The following SPHKAP variants were observed in gnomAD, a reference collection of about 807,000 sequenced individuals.
The protein encoded by SPHKAP is A-kinase anchor protein SPHKAP.
SPHKAP carries 67 observed loss-of-function variants against 137.5 expected under a neutral mutation model. The observed-to-expected ratio is 0.49, with a 90% CI of 0.40 to 0.60. The LOEUF (loss-of-function observed/expected upper bound fraction) is 0.60. Among genes scored for constraint, SPHKAP ranks in the 20% least tolerant of loss-of-function variants. The probability of loss-of-function intolerance (pLI) is 0.00; values close to 1 mark genes in which losing one functional copy is unlikely to be tolerated. For synonymous variants in SPHKAP, 813 were observed against 785.3 expected (o/e 1.04, Z -0.59); for missense variants, 2,097 against 2,069.3 (o/e 1.01, Z -0.26).
At chr2:228,029,051 G>A (rs980646475) in intron 3 of SPHKAP, among the ~76,000 whole-genome samples, 1 of 152,200 alleles carries the variant, frequency 6.6e-6, no homozygotes, top group Non-Finnish European at 1.5e-5. Context: ...ACGCTGTCAA[G>A]CCACAGGGAA....
chr2:228,026,495 G>A (rs1004869698), intron 4 of SPHKAP, among the ~76,000 whole-genome samples: 1 of 152,088 alleles, frequency 6.6e-6, no homozygotes, highest in Non-Finnish European at 1.5e-5. Flanking sequence ...AACTTGCACA[G>A]TTCATATAGC....
chr2:228,009,409 A>T (rs1419841198), intron 7 of SPHKAP, among the ~76,000 whole-genome samples: 1 of 152,166 alleles, frequency 6.6e-6, no homozygotes, highest in Non-Finnish European at 1.5e-5. Context: ...AACTTTCATC[A>T]AGTCTTACAT....
At chr2:228,065,778 T>C (rs1246122445) in intron 3 of SPHKAP, among the ~76,000 whole-genome samples, 3 of 152,282 alleles carry the variant, frequency 2.0e-5, no homozygotes, top group Admixed American at 1.3e-4. Context: ...AGACAGTGCA[T>C]TGATTTGAGG....
chr2:228,156,637 GT>G (rs1230643533), intron 1 of SPHKAP, among the ~76,000 whole-genome samples: 1 of 152,172 alleles, frequency 6.6e-6, no homozygotes, highest in Non-Finnish European at 1.5e-5. Flanking sequence ...GTTTGGCTGT[GT>G]CCCCACCCAA....
At chr2:228,147,224 A>G (rs187699655) in intron 1 of SPHKAP, among the ~76,000 whole-genome samples, 1 of 152,334 alleles carries the variant, frequency 6.6e-6, no homozygotes, top group East Asian at 1.9e-4. Flanking sequence ...TCTTTAAGTA[A>G]GTTAATAAAG....
chr2:228,042,345 C>A (rs1695885226), intron 3 of SPHKAP, among the ~76,000 whole-genome samples: 1 of 152,074 alleles, frequency 6.6e-6, no homozygotes. Flanking sequence ...TTTATCAATT[C>A]TTACTATTAT....
At chr2:228,157,518 A>G (rs1700141444) in intron 1 of SPHKAP, among the ~76,000 whole-genome samples, 1 of 152,260 alleles carries the variant, frequency 6.6e-6, no homozygotes, top group South Asian at 2.1e-4. Flanking sequence ...GACCCAATTA[A>G]TAAGAATGGA....
intron 9 of SPHKAP, among the ~76,000 whole-genome samples, chr2:227,992,432 T>C (rs915601868): frequency 2.0e-5 from 3 of 152,178 alleles, no homozygotes; most frequent in African/African-American, 7.2e-5. Flanking sequence ...ATGCTGACCA[T>C]GGAGGTGATT....
intron 2 of SPHKAP, among the ~76,000 whole-genome samples, chr2:228,125,190 C>G (rs1036916391): frequency 2.6e-5 from 4 of 152,098 alleles, no homozygotes; most frequent in African/African-American, 7.2e-5. Flanking sequence ...TATGCAGAGA[C>G]TCGGTTTCAC....
rs1217918804 is a variant in SPHKAP at position 228,092,460 on chromosome 2, ATATGTGCCATATATATG to A, written c.246+16355_246+16371del. On this transcript the variant is annotated intron_variant, in intron 3 of 11. Coordinates refer to ENST00000392056, the MANE Select transcript of SPHKAP (RefSeq NM_001142644.2). ...ATATGTGCCATATATATGTATACAT[ATATGTGCCATATATATG>A]TATACATATATGTGCCATATATATG... Among the ~76,000 whole-genome samples the A allele has an allele frequency of 1.1e-3, 61 of 53,576 alleles. 6 individuals carry two copies. The highest frequency in any genetic ancestry group is 1.5e-3 in the Admixed American group (7 of 4,636). 35.1% of individuals were successfully genotyped at this position (53,576 alleles called of 152,430 possible).
chr2:228,008,727 T>C (rs6755319), intron 7 of SPHKAP, among the ~76,000 whole-genome samples: 79,523 of 151,454 alleles, frequency 0.53, 21,239 homozygotes, highest in South Asian at 0.66. Flanking sequence ...TTCTGTACTG[T>C]TTATTGAAGA....
intron 1 of SPHKAP, among the ~76,000 whole-genome samples, chr2:228,139,848 G>A (rs1699540400): frequency 6.6e-6 from 1 of 151,230 alleles, no homozygotes; most frequent in Non-Finnish European, 1.5e-5. Context: ...ATTTATACAT[G>A]AATACCACTA....
chr2:227,993,269 A>G (rs943363899), intron 9 of SPHKAP, among the ~76,000 whole-genome samples: 1 of 152,226 alleles, frequency 6.6e-6, no homozygotes, highest in South Asian at 2.1e-4. Flanking sequence ...GTTTCTAGGT[A>G]GGTAAAATGA....
At chr2:228,005,698 T>C (rs1018372171) in intron 7 of SPHKAP, among the ~76,000 whole-genome samples, 36 of 152,236 alleles carry the variant, frequency 2.4e-4, no homozygotes, top group African/African-American at 8.0e-4. Flanking sequence ...CAGTTGTTCC[T>C]TTCCATGTTT....
rs764722977 is a variant in SPHKAP, at chr2:228,017,651, C to G, written c.3203G>C (p.Arg1068Pro). Residue 1068 changes from arginine to proline, a missense_variant, in exon 7 of 12, where the codon CGG becomes CCG. Transcript: ENST00000392056. ...GCTCCACCTGTCGCCACTCAGTAAC[C>G]GATTCCGGGGATAGCCCTGCGCCTG... ...MWQAQGYPRN[R>P]LLSGDRWSRL... 6.2e-7 allele frequency: 1 copy of G among 1,613,888 alleles called. No homozygotes were observed. The highest frequency in any genetic ancestry group is 8.5e-7 in the Non-Finnish European group (1 of 1,180,032).
chr2:228,144,802 G>C (rs1461187252), intron 1 of SPHKAP, among the ~76,000 whole-genome samples: 1 of 152,142 alleles, frequency 6.6e-6, no homozygotes, highest in Non-Finnish European at 1.5e-5. Flanking sequence ...TTGATGATGA[G>C]TTGTCATGGG....
intron 3 of SPHKAP, among the ~76,000 whole-genome samples, chr2:228,070,936 T>C (rs1306665723): frequency 1.3e-5 from 2 of 152,100 alleles, no homozygotes; most frequent in Admixed American, 6.6e-5. Context: ...GTTGAACTCA[T>C]GGGGTTCTGG....
intron 3 of SPHKAP, among the ~76,000 whole-genome samples, chr2:228,079,180 C>T (rs1390065405): frequency 2.0e-5 from 3 of 152,202 alleles, no homozygotes; most frequent in African/African-American, 4.8e-5. Context: ...ATTAGATTCT[C>T]ATGAAGAGTG....
Position 228,111,183 on chromosome 2 carries a change from C to T in SPHKAP, c.139-2244G>A, listed in dbSNP as rs1433314768. The stretch of plus-strand genomic sequence containing the variant: ...ACATGCCTTTCCCTTGTATTTCAGG[C>T]ATAGAATAGAGTTTAAGAGCATCAA... On this transcript the variant is annotated intron_variant, in intron 2 of 11. Coordinates refer to ENST00000392056, the MANE Select transcript of SPHKAP (RefSeq NM_001142644.2). 4.6e-5 allele frequency among the ~76,000 whole-genome samples: 7 copies of T among 152,220 alleles called. No individual in the cohort carries two copies. In the South Asian group the frequency reaches 1.0e-3, roughly 23 times the overall value.
Sources: allele counts gnomAD v4.1 joint callset (sites outside exome capture counted in the v4.1 genomes callset), GRCh38; gene constraint gnomAD v4.1.1; transcripts MANE v1.5; gene names NCBI Gene and HGNC (gene_info 2026-07-23, HGNC 2026-07-21).